The following CTIF variants were observed in gnomAD, a reference collection of about 807,000 sequenced individuals.
CTIF encodes CBP80/20-dependent translation initiation factor.
A neutral mutation model predicts 66.0 loss-of-function variants in CTIF; 21 were observed. That is an observed-to-expected ratio of 0.32 (90% CI 0.23 to 0.46). The LOEUF (loss-of-function observed/expected upper bound fraction) is 0.46, where lower values mean the gene tolerates loss of function less well. CTIF is among the 20% of genes least tolerant of loss of function. CTIF has a pLI of 1.00. For missense variants in CTIF, 739 were observed against 812.7 expected (o/e 0.91, Z 1.10); for synonymous variants, 345 against 326.4 (o/e 1.06, Z -0.62).
intron 10 of CTIF, among the ~76,000 whole-genome samples, chr18:48,846,050 A>G (rs766575155): frequency 3.9e-5 from 6 of 152,120 alleles, no homozygotes; most frequent in Non-Finnish European, 7.4e-5. Flanking sequence ...TTACTATGCT[A>G]CTCTCCAGTT....
intron 9 of CTIF, among the ~76,000 whole-genome samples, chr18:48,815,700 C>A (rs2146316429): frequency 6.6e-6 from 1 of 152,328 alleles, no homozygotes; most frequent in East Asian, 1.9e-4. Flanking sequence ...TCATCACTCA[C>A]AAGGGACAGA....
At chr18:48,637,206 AC>A (rs1371966672) in intron 3 of CTIF, among the ~76,000 whole-genome samples, 1 of 152,020 alleles carries the variant, frequency 6.6e-6, no homozygotes, top group Non-Finnish European at 1.5e-5. Context: ...CAGTCCTGGG[AC>A]CCCGCCAGAG....
intron 7 of CTIF, among the ~76,000 whole-genome samples, chr18:48,730,730 C>CG (rs1568172442): frequency 3.5e-5 from 3 of 84,786 alleles, no homozygotes; most frequent in African/African-American, 1.1e-4. Flanking sequence ...GAGGGGCTTC[C>CG]GTGGTGTGAG....
At chr18:48,657,606 G>A (rs757243155) in intron 3 of CTIF, among the ~76,000 whole-genome samples, 6 of 152,138 alleles carry the variant, frequency 3.9e-5, no homozygotes, top group Admixed American at 2.0e-4. Context: ...AGCTCTGCAC[G>A]GGAGTGTGCA....
chr18:48,586,662 TTC>T (rs1226543714), intron 1 of CTIF, among the ~76,000 whole-genome samples: 1 of 152,264 alleles, frequency 6.6e-6, no homozygotes, highest in East Asian at 1.9e-4. Context: ...TATAACCTGT[TTC>T]TGTTGCTTCC....
chr18:48,847,810 G>A (rs1318579641), intron 10 of CTIF, among the ~76,000 whole-genome samples: 1 of 152,196 alleles, frequency 6.6e-6, no homozygotes, highest in Non-Finnish European at 1.5e-5. Flanking sequence ...TTAGTGTGTA[G>A]CAGGTCTTCT....
chr18:48,823,976 CCACA>C (rs35554666), intron 10 of CTIF, among the ~76,000 whole-genome samples: 21,064 of 124,018 alleles, frequency 0.17, 1,914 homozygotes, highest in African/African-American at 0.29. Flanking sequence ...CCTAAAGACT[CCACA>C]CACACACACA....
intron 1 of CTIF, among the ~76,000 whole-genome samples, chr18:48,544,549 A>C (rs2088700117): frequency 6.6e-6 from 1 of 152,234 alleles, no homozygotes; most frequent in Admixed American, 6.5e-5. Flanking sequence ...CCAGACCCAA[A>C]TGCTCACTTA....
chr18:48,788,380 C>G (rs967030562), intron 9 of CTIF, among the ~76,000 whole-genome samples: 1 of 152,106 alleles, frequency 6.6e-6, no homozygotes, highest in East Asian at 1.9e-4. Context: ...CACTTGACTC[C>G]TAGGAGAGCT....
At chr18:48,733,021 G>A (rs188869126) in intron 7 of CTIF, among the ~76,000 whole-genome samples, 1 of 152,228 alleles carries the variant, frequency 6.6e-6, no homozygotes, top group African/African-American at 2.4e-5. Flanking sequence ...AAAGAAGGAG[G>A]AGGAGGAGCG....
chr18:48,845,155 T>G (rs1363002512), intron 10 of CTIF, among the ~76,000 whole-genome samples: 1 of 149,556 alleles, frequency 6.7e-6, no homozygotes, highest in Non-Finnish European at 1.5e-5. Context: ...GGGGTTGGGG[T>G]TGGGGGTGGG....
chr18:48,738,855 A>G (rs928769141), intron 7 of CTIF, among the ~76,000 whole-genome samples: 1 of 152,240 alleles, frequency 6.6e-6, no homozygotes, highest in Non-Finnish European at 1.5e-5. Context: ...TAAGTGAATG[A>G]ATGGACAAGA....
chr18:48,608,470 T>G (rs1007100872), intron 1 of CTIF, among the ~76,000 whole-genome samples: 1 of 146,446 alleles, frequency 6.8e-6, no homozygotes, highest in Admixed American at 6.7e-5. Context: ...GACAAGGCGG[T>G]CATCGAAAGT....
At chr18:48,822,730 C>T (rs1207862471) in intron 10 of CTIF, among the ~76,000 whole-genome samples, 1 of 151,986 alleles carries the variant, frequency 6.6e-6, no homozygotes, top group Non-Finnish European at 1.5e-5. Flanking sequence ...TTTTGAGGAC[C>T]CTCCATTTTG....
intron 1 of CTIF, among the ~76,000 whole-genome samples, chr18:48,602,319 A>G (rs879448003): frequency 2.6e-5 from 4 of 152,222 alleles, no homozygotes; most frequent in Admixed American, 6.5e-5. Context: ...ATAAAACAGT[A>G]AGAATTGTCA....
chr18:48,603,564 TG>T (rs1174030914), intron 1 of CTIF, among the ~76,000 whole-genome samples: 27 of 130,018 alleles, frequency 2.1e-4, no homozygotes, highest in African/African-American at 7.2e-4. Context: ...GATGGATAAA[TG>T]GGGGGGTGGA....
At chr18:48,545,240 G>T (rs2145484340) in intron 1 of CTIF, among the ~76,000 whole-genome samples, 1 of 152,324 alleles carries the variant, frequency 6.6e-6, no homozygotes, top group African/African-American at 2.4e-5. Flanking sequence ...GAGTGGAGGA[G>T]CTTTGTAAGC....
chr18:48,586,090 T>C (rs1280166854), intron 1 of CTIF, among the ~76,000 whole-genome samples: 1 of 152,104 alleles, frequency 6.6e-6, no homozygotes, highest in Admixed American at 6.5e-5. Flanking sequence ...TAGAGACATA[T>C]TTGTAAGTGA....
At chr18:48,571,905 T>C (rs1759717803) in intron 1 of CTIF, among the ~76,000 whole-genome samples, 2 of 152,172 alleles carry the variant, frequency 1.3e-5, no homozygotes, top group African/African-American at 4.8e-5. Context: ...AAGTCTGAGA[T>C]CTGTAGGGCA....
Sources: allele counts gnomAD v4.1 joint callset (sites outside exome capture counted in the v4.1 genomes callset), GRCh38; gene constraint gnomAD v4.1.1; transcripts MANE v1.5; gene names NCBI Gene and HGNC (gene_info 2026-07-23, HGNC 2026-07-21).